Variants in INPP5A observed in about 807,000 individuals in gnomAD.
The protein encoded by INPP5A is inositol polyphosphate-5-phosphatase A, also known as 43 kDa inositol polyphosphate 5-phophatase.
INPP5A carries 14 observed loss-of-function variants against 65.2 expected under a neutral mutation model. That is an observed-to-expected ratio of 0.21 (90% CI 0.14 to 0.34). INPP5A has a LOEUF of 0.34. Ranked by LOEUF, INPP5A falls within the 10% of genes least tolerant of loss-of-function variation. The pLI is 1.00. For synonymous variants in INPP5A, 207 were observed against 208.3 expected, an observed-to-expected ratio of 0.99 and a Z score of 0.05; for missense variants, 431 against 545.6, an observed-to-expected ratio of 0.79 and a Z score of 2.09.
chr10:132,717,489 G>A lies in INPP5A; in HGVS notation c.647+7033G>A, dbSNP rs1019539969. The stretch of plus-strand genomic sequence containing the variant: ...TGACCCTGCTGCTTCAGAACATCCC[G>A]CCATCTGCCTGGGTTCTGCCTGGAG... On this transcript the variant is annotated intron_variant, in intron 8 of 15. Transcript: ENST00000368594. Among the ~76,000 whole-genome samples, 4 of 151,528 alleles carry A rather than the reference G, an allele frequency of 2.6e-5. No individual in the cohort carries two copies. In the East Asian group the frequency reaches 5.8e-4, roughly 22 times the overall value.
At chr10:132,589,878 C>G (rs894999023) in intron 1 of INPP5A, among the ~76,000 whole-genome samples, 3 of 152,288 alleles carry the variant, frequency 2.0e-5, no homozygotes, top group African/African-American at 7.2e-5. Context: ...GCCAGGGAGC[C>G]CACAGCCTCC....
chr10:132,600,224 CT>C (rs1378407557), intron 1 of INPP5A, among the ~76,000 whole-genome samples: 2 of 152,224 alleles, frequency 1.3e-5, no homozygotes, highest in Non-Finnish European at 2.9e-5. Flanking sequence ...AACTGAATGC[CT>C]TTAACAGTAC....
intron 9 of INPP5A, among the ~76,000 whole-genome samples, chr10:132,730,205 C>G (rs1359140352): frequency 6.6e-6 from 1 of 152,264 alleles, no homozygotes; most frequent in Non-Finnish European, 1.5e-5. Context: ...CCCTCCCCAC[C>G]ACCTCCTGGT....
intron 1 of INPP5A, among the ~76,000 whole-genome samples, chr10:132,553,964 A>G (rs1185986428): frequency 3.0e-3 from 333 of 111,508 alleles, no homozygotes; most frequent in Admixed American, 7.8e-3. Context: ...ATTGGTGAAC[A>G]CCTTCTCAGA....
intron 11 of INPP5A, among the ~76,000 whole-genome samples, chr10:132,763,750 T>TAAAAACACACATGCCGTTGCAC (rs1846778649): frequency 6.7e-6 from 1 of 148,864 alleles, no homozygotes; most frequent in Admixed American, 6.7e-5. Flanking sequence ...CATGCCTGCA[T>TAAAAACACACATGCCGTTGCAC]ACAAACACAC....
chr10:132,591,879 C>A (rs2071624441), intron 1 of INPP5A, among the ~76,000 whole-genome samples: 1 of 152,196 alleles, frequency 6.6e-6, no homozygotes. Context: ...TAACGGGCGC[C>A]CTTGCTGTGT....
At chr10:132,594,992 C>T (rs768599337) in intron 1 of INPP5A, among the ~76,000 whole-genome samples, 14 of 152,130 alleles carry the variant, frequency 9.2e-5, no homozygotes, top group Admixed American at 2.0e-4. Context: ...GAAAGTAATG[C>T]GTGATGATTA....
rs1170346792 is a variant in INPP5A, at chr10:132,708,357, T to G, written c.519T>G (p.Ile173Met). 1 of 1,614,066 alleles carries G rather than the reference T, an allele frequency of 6.2e-7. No individual in the cohort carries two copies. Among genetic ancestry groups the G allele is most frequent in the Non-Finnish European group, 8.5e-7 (1 of 1,179,884 alleles). Residue 173 changes from isoleucine (I) to methionine (M), a missense_variant, in exon 7 of 16, where the codon ATT becomes ATG. Transcript: ENST00000368594. ...RKGFIRTRWCIADCAFDLVNI... is the reference protein window; with the variant it reads ...RKGFIRTRWCMADCAFDLVNI... The stretch of plus-strand genomic sequence containing the variant: ...GCTTCATCCGGACGAGGTGGTGCAT[T>G]GCAGACTGGTACGTGGTGTCTGTGC...
chr10:132,561,718 A>G (rs1002657314), intron 1 of INPP5A, among the ~76,000 whole-genome samples: 10 of 131,282 alleles, frequency 7.6e-5, no homozygotes, highest in Admixed American at 1.6e-4. Flanking sequence ...TAGTTTGTCA[A>G]TTTCCACACA....
intron 1 of INPP5A, among the ~76,000 whole-genome samples, chr10:132,592,601 T>C (rs565858189): frequency 6.6e-6 from 1 of 152,276 alleles, no homozygotes; most frequent in East Asian, 1.9e-4. Context: ...GAGATGGGGT[T>C]TTGTGATGTT....
intron 1 of INPP5A, among the ~76,000 whole-genome samples, chr10:132,544,233 A>G (rs758351537): frequency 6.6e-6 from 1 of 152,166 alleles, no homozygotes; most frequent in Non-Finnish European, 1.5e-5. Context: ...CACAACCAGG[A>G]TGCTAGCCTG....
At chr10:132,699,257 G>T (rs1845396847) in intron 6 of INPP5A, among the ~76,000 whole-genome samples, 1 of 151,880 alleles carries the variant, frequency 6.6e-6, no homozygotes, top group South Asian at 2.1e-4. Flanking sequence ...CCCCTGGAGA[G>T]CCTGCGAGCT....
intron 1 of INPP5A, among the ~76,000 whole-genome samples, chr10:132,542,259 C>G (rs1412094086): frequency 6.6e-6 from 1 of 152,238 alleles, no homozygotes; most frequent in African/African-American, 2.4e-5. Flanking sequence ...TGTCCCTCTG[C>G]CCAGACCCGG....
chr10:132,620,967 T>C (rs1487274697), intron 2 of INPP5A, among the ~76,000 whole-genome samples: 1 of 152,240 alleles, frequency 6.6e-6, no homozygotes, highest in African/African-American at 2.4e-5. Flanking sequence ...TGGTTTAACA[T>C]TCAAGAATCA....
At chr10:132,700,401 T>C (rs1845418075) in intron 6 of INPP5A, among the ~76,000 whole-genome samples, 1 of 152,222 alleles carries the variant, frequency 6.6e-6, no homozygotes, top group Admixed American at 6.5e-5. Flanking sequence ...GTCATCGTCT[T>C]AGAAATCCTC....
At chr10:132,577,338 C>A (rs1010090159) in intron 1 of INPP5A, among the ~76,000 whole-genome samples, 8 of 152,226 alleles carry the variant, frequency 5.3e-5, no homozygotes, top group Non-Finnish European at 1.2e-4. Flanking sequence ...TAGTTGGTAT[C>A]TGAGTTAAGT....
intron 14 of INPP5A, 38 bp downstream of exon 14, chr10:132,780,955 C>G: frequency 1.3e-6 from 2 of 1,525,252 alleles, no homozygotes; most frequent in Middle Eastern, 1.7e-4. Context: ...GGCTGGGGGA[C>G]CAAGGGGAAG....
chr10:132,570,773 T>C (rs957360708), intron 1 of INPP5A, among the ~76,000 whole-genome samples: 1 of 152,172 alleles, frequency 6.6e-6, no homozygotes, highest in African/African-American at 2.4e-5. Flanking sequence ...GTGACACTTC[T>C]GGGTGACTGG....
At chr10:132,628,436 C>A (rs1400999454) in intron 2 of INPP5A, among the ~76,000 whole-genome samples, 2 of 150,082 alleles carry the variant, frequency 1.3e-5, no homozygotes, top group African/African-American at 2.5e-5. Flanking sequence ...GTGGCCGCCC[C>A]CTCTCCCTCC....
Sources: allele counts gnomAD v4.1 joint callset (sites outside exome capture counted in the v4.1 genomes callset), GRCh38; gene constraint gnomAD v4.1.1; transcripts MANE v1.5; gene names NCBI Gene and HGNC (gene_info 2026-07-23, HGNC 2026-07-21).